The following GPD1L variants were observed in gnomAD, a reference collection of about 807,000 sequenced individuals.
GPD1L encodes glycerol-3-phosphate dehydrogenase 1-like protein.
Under a neutral mutation model 32.9 loss-of-function variants are expected in GPD1L, and 17 were observed. The observed-to-expected ratio is 0.52, with a 90% CI of 0.35 to 0.78. GPD1L has a LOEUF of 0.78. GPD1L is among the 30% of genes least tolerant of loss of function. The pLI is 0.01. For missense variants in GPD1L, 361 were observed against 447.8 expected (o/e 0.81, Z 1.75); for synonymous variants, 187 against 165.9 (o/e 1.13, Z -0.98).
rs1218365424 is a variant in GPD1L, at chr3:32,123,831, TAGATAGATAGAC to T, written c.48-4241_48-4230del. ...ATAGATAGATAGATAGATAGATAGATAGATAGATAGACAGACAGATAAGACCCATGCCTGACT... is the reference window on the plus strand; with the variant it reads ...ATAGATAGATAGATAGATAGATAGATAGACAGATAAGACCCATGCCTGACT... On this transcript the variant is annotated intron_variant, in intron 1 of 7. Transcript: ENST00000282541. Among the ~76,000 whole-genome samples the T allele has an allele frequency of 2.3e-3, 339 of 145,520 alleles. 1 individual carries two copies. The highest frequency in any genetic ancestry group is 6.2e-3 in the African/African-American group (251 of 40,398).
intron 2 of GPD1L, among the ~76,000 whole-genome samples, chr3:32,130,050 G>A (rs1327503977): frequency 2.6e-5 from 4 of 152,130 alleles, no homozygotes; most frequent in Non-Finnish European, 4.4e-5. Flanking sequence ...CCCTAGCACA[G>A]TGCTTTTCCT....
chr3:32,127,121 C>G (rs767102725), intron 1 of GPD1L, among the ~76,000 whole-genome samples: 9 of 152,168 alleles, frequency 5.9e-5, no homozygotes, highest in Non-Finnish European at 1.3e-4. Context: ...TTGGCCGCCC[C>G]CGCCTTTTGT....
rs1292425016 is a variant in GPD1L, at chr3:32,160,276, T to C, written c.959+602T>C. Reference sequence around the variant, plus strand: ...GATGGATGGATGGATGATGGATGGGTGCATGGGTAGATGGGTGAGTGGATG... The same window carrying C: ...GATGGATGGATGGATGATGGATGGGCGCATGGGTAGATGGGTGAGTGGATG... On this transcript the variant is annotated intron_variant, in intron 7 of 7. Transcript: ENST00000282541. Among the ~76,000 whole-genome samples the C allele has an allele frequency of 6.0e-4, 69 of 114,232 alleles. No homozygotes were observed. In the Middle Eastern group the frequency reaches 0.018, roughly 30 times the overall value. 74.9% of individuals were successfully genotyped at this position (114,232 alleles called of 152,430 possible).
chr3:32,113,130 A>G (rs1003231256), intron 1 of GPD1L, among the ~76,000 whole-genome samples: 2 of 148,986 alleles, frequency 1.3e-5, no homozygotes, highest in Admixed American at 1.3e-4. Flanking sequence ...AAATCATCTC[A>G]TTCAGTTTCC....
chr3:32,137,432 C>T (rs767258312), intron 2 of GPD1L, among the ~76,000 whole-genome samples: 30 of 152,262 alleles, frequency 2.0e-4, no homozygotes, highest in African/African-American at 6.3e-4. Flanking sequence ...TCTGAATTTC[C>T]GCCATGCCTT....
intron 1 of GPD1L, among the ~76,000 whole-genome samples, chr3:32,108,422 G>A (rs887056699): frequency 6.6e-6 from 1 of 152,160 alleles, no homozygotes; most frequent in Admixed American, 6.5e-5. Context: ...CAGCAGAATC[G>A]CCTGAGCCTG....
At chr3:32,162,770 A>G (rs1701089155) in intron 7 of GPD1L, among the ~76,000 whole-genome samples, 1 of 152,040 alleles carries the variant, frequency 6.6e-6, no homozygotes, top group South Asian at 2.1e-4. Context: ...TCTGAGGTGC[A>G]TGTTGCAAGC....
chr3:32,114,701 C>T lies in GPD1L; in HGVS notation c.47+7943C>T, dbSNP rs190899409. Among the ~76,000 whole-genome samples, 417 of 151,880 alleles carry T rather than the reference C, an allele frequency of 2.7e-3. 2 individuals carry two copies. The highest frequency in any genetic ancestry group is 4.9e-3 in the Non-Finnish European group (331 of 68,028). ...CTGACTTCGAGAATGAAGCCGCGGACCCTCACGGTGAGTGTTACAGTTCTT... is the reference window on the plus strand; with the variant it reads ...CTGACTTCGAGAATGAAGCCGCGGATCCTCACGGTGAGTGTTACAGTTCTT... On this transcript the variant is annotated intron_variant, in intron 1 of 7. Transcript: ENST00000282541.
At chr3:32,159,799 C>A in intron 7 of GPD1L, 125 bp downstream of exon 7, 3 of 719,592 alleles carry the variant, frequency 4.2e-6, no homozygotes, top group South Asian at 3.0e-5. Flanking sequence ...TGGATTAGTT[C>A]AGTCCTTTGT....
chr3:32,164,989 AG>A (rs1701125652), intron 7 of GPD1L, among the ~76,000 whole-genome samples: 1 of 152,090 alleles, frequency 6.6e-6, no homozygotes, highest in Non-Finnish European at 1.5e-5. Flanking sequence ...GTGGATCATG[AG>A]GTTAGGAGTT....
At chr3:32,150,007 A>T (rs1157778303) in intron 5 of GPD1L, among the ~76,000 whole-genome samples, 7 of 152,138 alleles carry the variant, frequency 4.6e-5, no homozygotes, top group African/African-American at 1.7e-4. Flanking sequence ...AGTTTATAAT[A>T]CCATGGGTTT....
chr3:32,150,237 T>G (rs1398801866), intron 5 of GPD1L, among the ~76,000 whole-genome samples: 2 of 152,208 alleles, frequency 1.3e-5, no homozygotes, highest in Non-Finnish European at 2.9e-5. Context: ...CTTCTTTGAT[T>G]GGAGGTGTAT....
intron 5 of GPD1L, among the ~76,000 whole-genome samples, chr3:32,153,175 G>A (rs1431493675): frequency 6.6e-6 from 1 of 152,182 alleles, no homozygotes; most frequent in Non-Finnish European, 1.5e-5. Context: ...CTTTGGCTGT[G>A]GTAAACCATG....
chr3:32,146,143 G>C (rs1399192518), intron 4 of GPD1L, among the ~76,000 whole-genome samples: 1 of 147,770 alleles, frequency 6.8e-6, no homozygotes, highest in Admixed American at 6.9e-5. Context: ...ATGGAGTGCA[G>C]TGGTGAGATC....
At chr3:32,117,538 A>G (rs570050582) in intron 1 of GPD1L, among the ~76,000 whole-genome samples, 25 of 152,256 alleles carry the variant, frequency 1.6e-4, no homozygotes, top group African/African-American at 5.3e-4. Flanking sequence ...AGTAATTCTC[A>G]TTATCCAGGA....
chr3:32,156,039 A>C (rs1700983835), intron 5 of GPD1L, among the ~76,000 whole-genome samples: 1 of 152,102 alleles, frequency 6.6e-6, no homozygotes. Flanking sequence ...CTCATCCTAA[A>C]AGGTCTGGCT....
In GPD1L at chr3:32,152,606, T is replaced by C. The variant is rs559377114; in HGVS notation, c.618+5872T>C. On this transcript the variant is annotated intron_variant, in intron 5 of 7. Coordinates refer to ENST00000282541, the MANE Select transcript of GPD1L (RefSeq NM_015141.4). ...GGAGTCTTTTTTCTAAGGAAAAGCC[T>C]CAGTCCATTCATGAAGGCAGAACAC... Among the ~76,000 whole-genome samples the C allele has an allele frequency of 1.7e-4, 26 of 152,130 alleles. 1 individual carries two copies. In the South Asian group the frequency reaches 5.2e-3, roughly 30 times the overall value.
chr3:32,164,163 A>G (rs1262723168), intron 7 of GPD1L, among the ~76,000 whole-genome samples: 1 of 152,180 alleles, frequency 6.6e-6, no homozygotes, highest in African/African-American at 2.4e-5. Flanking sequence ...GTCTCTTCCA[A>G]CCTTGGGGAA....
At chr3:32,114,826 G>A (rs1366941466) in intron 1 of GPD1L, among the ~76,000 whole-genome samples, 1 of 152,148 alleles carries the variant, frequency 6.6e-6, no homozygotes, top group Non-Finnish European at 1.5e-5. Context: ...CAGGAGTGAA[G>A]CCACAGACCT....
Sources: allele counts gnomAD v4.1 joint callset (sites outside exome capture counted in the v4.1 genomes callset), GRCh38; gene constraint gnomAD v4.1.1; transcripts MANE v1.5; gene names NCBI Gene and HGNC (gene_info 2026-07-23, HGNC 2026-07-21).